Variants in KDELR1 observed in about 807,000 individuals in gnomAD.
The protein encoded by KDELR1 is ER lumen protein-retaining receptor 1.
In KDELR1, 16 loss-of-function variants were observed where a neutral mutation model predicts 25.5. That is an observed-to-expected ratio of 0.63 (90% CI 0.43 to 0.95). KDELR1 has a LOEUF of 0.95. Among genes scored for constraint, KDELR1 ranks in the 40% least tolerant of loss-of-function variants. KDELR1 has a pLI of 0.00. For missense variants in KDELR1, 159 were observed against 265.2 expected (o/e 0.60, Z 2.78); for synonymous variants, 121 against 115.0 (o/e 1.05, Z -0.33).
At chr19:48,383,500 T>C (rs1017453357) in intron 4 of KDELR1, among the ~76,000 whole-genome samples, 173 bp from the exon 5 acceptor site, 1 of 152,090 alleles carries the variant, frequency 6.6e-6, no homozygotes, top group African/African-American at 2.4e-5. Flanking sequence ...CCTTTCTCAC[T>C]ACTGGCAATT....
chr19:48,383,142 A>T lies in KDELR1; in HGVS notation c.*151T>A. 1.3e-6 allele frequency: 1 copy of T among 787,120 alleles called. No homozygotes were observed. Among genetic ancestry groups the T allele is most frequent in the Non-Finnish European group, 2.1e-6 (1 of 476,202 alleles). 48.8% of individuals were successfully genotyped at this position (787,120 alleles called of 1,614,324 possible). On this transcript the variant is annotated 3_prime_UTR_variant, in exon 5 of 5. Transcript: ENST00000330720. ...GAGCTCCCCAAGACCTGGATCCTCC[A>T]CTGTCCCCCTGAAACCCGGCAGGAG... is the stretch of plus-strand genomic sequence containing the variant.
At position 48,383,183 on chromosome 19, in the gene KDELR1, C is replaced by T; in HGVS notation, c.*110G>A. The T allele has an allele frequency of 3.4e-6, 4 of 1,165,176 alleles. No homozygotes were observed. In the South Asian group the frequency reaches 5.3e-5, roughly 15 times the overall value. The allele number at this position is 1,165,176 out of a possible 1,614,324, so 72.2% of individuals were successfully genotyped here. The stretch of plus-strand genomic sequence containing the variant: ...CCGGCAGGAGGCGGGATGGGGAGCA[C>T]AAGAGGTGGGTTCTTAAAAAAGTCA... On this transcript the variant is annotated 3_prime_UTR_variant, in exon 5 of 5. Transcript: ENST00000330720.
chr19:48,394,557 G>GA (rs953773590), upstream of KDELR1, among the ~76,000 whole-genome samples: 3 of 149,464 alleles, frequency 2.0e-5, no homozygotes, highest in African/African-American at 7.4e-5. The surrounding 1 kb of genome is among the most constrained non-coding windows in gnomAD (Gnocchi z 5.1). Context: ...TGAAGCGGCA[G>GA]AGGGGGGCAC....
Position 48,391,463 on chromosome 19 carries a change from G to A in KDELR1, c.-105C>T, listed in dbSNP as rs933243149. 1.4e-5 allele frequency: 12 copies of A among 876,480 alleles called. No individual in the cohort carries two copies. In the African/African-American group the frequency reaches 1.7e-4, roughly 12 times the overall value. 54.3% of individuals were successfully genotyped at this position (876,480 alleles called of 1,614,324 possible). The stretch of plus-strand genomic sequence containing the variant: ...GGGTAGCTGGGCTGGGGGGACGGAA[G>A]AGGGACCCTAGGTGCGCTCCGCTCC... On this transcript the variant is annotated 5_prime_UTR_variant, in exon 1 of 5. Transcript: ENST00000330720.
At position 48,391,469 on chromosome 19, in the gene KDELR1, C is replaced by A; in HGVS notation, c.-111G>T. The A allele has an allele frequency of 1.2e-6, 1 of 801,850 alleles. No individual in the cohort carries two copies. Among genetic ancestry groups the A allele is most frequent in the Non-Finnish European group, 2.1e-6 (1 of 486,234 alleles). The allele number at this position is 801,850 out of a possible 1,614,324, so 49.7% of individuals were successfully genotyped here. A position where few individuals can be genotyped will look rare whatever the true frequency, so the allele number is the denominator to read the frequency against. The stretch of plus-strand genomic sequence containing the variant: ...CTGGGCTGGGGGGACGGAAGAGGGA[C>A]CCTAGGTGCGCTCCGCTCCGGGGAG... On this transcript the variant is annotated 5_prime_UTR_variant, in exon 1 of 5. Transcript: ENST00000330720.
chr19:48,384,290 C>T lies in KDELR1; in HGVS notation c.544G>A (p.Val182Met). 5 of 1,614,216 alleles carry T rather than the reference C, an allele frequency of 3.1e-6. No individual in the cohort carries two copies. The highest frequency in any genetic ancestry group is 2.5e-6 in the Non-Finnish European group (3 of 1,180,038). Reference sequence around the variant, plus strand: ...AGGACTGTCTGGACCAGGCCTGCCACAATGGCGATGAGGTCGAAGAAGCCC... The same window carrying T: ...AGGACTGTCTGGACCAGGCCTGCCATAATGGCGATGAGGTCGAAGAAGCCC... Reference protein sequence around the residue: ...FEGFFDLIAIVAGLVQTVLYC... With the variant: ...FEGFFDLIAIMAGLVQTVLYC... The change falls in exon 4 of 5, where the codon GTG (valine) becomes ATG (methionine). Residue 182 changes from valine (V) to methionine (M), a missense_variant. By Grantham distance (21) the Val-to-Met change is conservative (BLOSUM62 1). Transcript: ENST00000330720. The surrounding 1 kb of genome is among the most constrained non-coding windows in gnomAD (Gnocchi z 4.6).
intron 3 of KDELR1, among the ~76,000 whole-genome samples, chr19:48,388,944 G>GA (rs1457145171): frequency 1.3e-5 from 2 of 151,244 alleles, no homozygotes; most frequent in Non-Finnish European, 3.0e-5. Flanking sequence ...AAGAAAGAAA[G>GA]AAAAAAGAAA....
At chr19:48,393,614 A>AG (rs1326700867), upstream of KDELR1, among the ~76,000 whole-genome samples, 14 of 152,070 alleles carry the variant, frequency 9.2e-5, no homozygotes, top group East Asian at 5.8e-4. This position sits in a 1 kb window ranked among gnomAD's most constrained non-coding sequence, Gnocchi z 5.6. Context: ...GGAGGCCAGG[A>AG]GGGGGGGCTG....
At chr19:48,387,990 C>T (rs141831867) in intron 3 of KDELR1, among the ~76,000 whole-genome samples, 224 of 152,308 alleles carry the variant, frequency 1.5e-3, no homozygotes, top group Admixed American at 2.2e-3. Flanking sequence ...TCATTAACAG[C>T]GAACATTTAA....
intron 1 of KDELR1, 29 bp from the exon 2 acceptor site, chr19:48,390,553 G>C (rs1221159152): frequency 2.1e-6 from 3 of 1,403,202 alleles, no homozygotes; most frequent in South Asian, 1.2e-5. Context: ...GAAAGAGAGA[G>C]AGAGAGAGAC....
intron 3 of KDELR1, among the ~76,000 whole-genome samples, chr19:48,389,268 T>C (rs1970521963): frequency 6.6e-6 from 1 of 152,156 alleles, no homozygotes; most frequent in African/African-American, 2.4e-5. Flanking sequence ...AGACTTTGTC[T>C]CCAGAAAAAA....
chr19:48,390,160 C>A, intron 2 of KDELR1: 1 of 396,336 alleles, frequency 2.5e-6, no homozygotes, highest in Non-Finnish European at 4.5e-6. Flanking sequence ...TCCCTTCCTC[C>A]CTCAGACCCA....
Position 48,384,991 on chromosome 19 carries a change from T to A in KDELR1, c.352-509A>T. On this transcript the variant is annotated intron_variant, in intron 3 of 4. Transcript: ENST00000330720. This position sits in a 1 kb window ranked among gnomAD's most constrained non-coding sequence, Gnocchi z 4.6. Reference sequence around the variant, plus strand: ...AACCTCTGCCTCTTGGGTTCAAGCGTTTCTCCTGCCTCAGCCTCCTGAGTA... The same window carrying A: ...AACCTCTGCCTCTTGGGTTCAAGCGATTCTCCTGCCTCAGCCTCCTGAGTA... Among the ~76,000 whole-genome samples, 1 of 151,270 alleles carries A rather than the reference T, an allele frequency of 6.6e-6. No individual in the cohort carries two copies. Among genetic ancestry groups the A allele is most frequent in the South Asian group, 2.1e-4 (1 of 4,786 alleles).
chr19:48,383,725 G>T (rs952919539), intron 4 of KDELR1, among the ~76,000 whole-genome samples: 1 of 151,784 alleles, frequency 6.6e-6, no homozygotes, highest in African/African-American at 2.4e-5. Flanking sequence ...TGTTGCTCTG[G>T]AACTCCTAGG....
At chr19:48,385,754 A>G (rs1970490806) in intron 3 of KDELR1, among the ~76,000 whole-genome samples, 1 of 152,204 alleles carries the variant, frequency 6.6e-6, no homozygotes, top group Non-Finnish European at 1.5e-5. Context: ...ACCAGGACCT[A>G]TTCATAACAA....
At chr19:48,391,141 G>C (rs1970545925) in intron 1 of KDELR1, 127 bp downstream of exon 1, 1 of 794,298 alleles carries the variant, frequency 1.3e-6, no homozygotes, top group Admixed American at 2.1e-5. Context: ...CTAGAAGAGA[G>C]ATCCCCAGCA....
chr19:48,387,700 AAAAAAG>A (rs1219722570), intron 3 of KDELR1: 19 of 152,072 alleles, frequency 1.2e-4, no homozygotes, highest in African/African-American at 4.6e-4. Flanking sequence ...AAAAAAAAAA[AAAAAAG>A]AAATATAGTC....
chr19:48,393,684 T>C (rs1395591947), upstream of KDELR1, among the ~76,000 whole-genome samples: 2 of 151,966 alleles, frequency 1.3e-5, no homozygotes, highest in Non-Finnish European at 2.9e-5. The surrounding 1 kb of genome is among the most constrained non-coding windows in gnomAD (Gnocchi z 5.6). Flanking sequence ...AGTGAGTGTG[T>C]GTGTGCGAGA....
intron 3 of KDELR1, among the ~76,000 whole-genome samples, chr19:48,385,320 C>T (rs1970486974): frequency 6.6e-6 from 1 of 152,226 alleles, no homozygotes; most frequent in Admixed American, 6.5e-5. Context: ...GAGAGGGACC[C>T]TCCCTGGCCA....
Sources: gnomAD v4.1 joint callset for allele counts (sites outside exome capture counted in the v4.1 genomes callset) on GRCh38, gnomAD v4.1.1 for gene constraint, Gnocchi (gnomAD v3.1) non-coding constraint, MANE v1.5 for transcripts, NCBI Gene and HGNC (gene_info 2026-07-23, HGNC 2026-07-21) for gene names.